Variants in ENTREP1 observed in about 807,000 individuals in gnomAD.
ENTREP1 encodes the protein endosomal transmembrane epsin interactor 1, also known as Friedreich ataxia region gene X123.
chr9:69,335,130 T>A, the ENTREP1 span, among the ~76,000 whole-genome samples: 2 of 152,190 alleles, frequency 1.3e-5, no homozygotes, highest in Non-Finnish European at 2.9e-5. Context: ...GAGCTCCTTC[T>A]CACAGTAGTT....
the ENTREP1 span, among the ~76,000 whole-genome samples, chr9:69,349,163 G>A: frequency 9.8e-5 from 11 of 112,336 alleles, no homozygotes; most frequent in South Asian, 1.7e-3. Context: ...CAGCCTGGGC[G>A]ACAAAAGCGA....
chr9:69,324,890 C>T, the ENTREP1 span: 101 of 985,120 alleles, frequency 1.0e-4, no homozygotes, highest in African/African-American at 9.8e-4. Context: ...TCTCGGTGGC[C>T]GGCGCTGACG....
the ENTREP1 span, chr9:69,324,846 C>T: frequency 3.0e-6 from 3 of 985,164 alleles, no homozygotes; most frequent in Non-Finnish European, 1.2e-6. Flanking sequence ...TCTTCTCTAG[C>T]CCCAGCTCGG....
chr9:69,368,056 G>A, the ENTREP1 span, among the ~76,000 whole-genome samples: 1 of 47,214 alleles, frequency 2.1e-5, no homozygotes, highest in Non-Finnish European at 4.4e-5. Flanking sequence ...TGTATCCTGA[G>A]ACTACTGAAT....
chr9:69,387,911 T>C, the ENTREP1 span: 16 of 1,444,624 alleles, frequency 1.1e-5, no homozygotes, highest in African/African-American at 2.3e-4. Flanking sequence ...CATCTGGCTT[T>C]ACCTTGGGGG....
At chr9:69,373,449 T>G in the ENTREP1 span, among the ~76,000 whole-genome samples, 1 of 152,172 alleles carries the variant, frequency 6.6e-6, no homozygotes, top group African/African-American at 2.4e-5. Flanking sequence ...TACATAAATA[T>G]GTATGGAGTG....
At chr9:69,371,505 C>G in the ENTREP1 span, 3 of 1,611,580 alleles carry the variant, frequency 1.9e-6, no homozygotes, top group Non-Finnish European at 8.5e-7. Flanking sequence ...TCAGGTAAAC[C>G]TCTTTGTGCT....
At chr9:69,368,221 C>CAGAGCAA in the ENTREP1 span, among the ~76,000 whole-genome samples, 2 of 152,068 alleles carry the variant, frequency 1.3e-5, no homozygotes, top group African/African-American at 4.8e-5. Context: ...GATAGGACTT[C>CAGAGCAA]TAGTACTGTG....
the ENTREP1 span, among the ~76,000 whole-genome samples, chr9:69,346,965 A>G: frequency 3.9e-5 from 6 of 152,216 alleles, no homozygotes; most frequent in Non-Finnish European, 8.8e-5. Context: ...GCAATTGGAG[A>G]ATATGATAGA....
the ENTREP1 span, chr9:69,387,846 A>G: frequency 1.6e-6 from 2 of 1,252,032 alleles, no homozygotes; most frequent in Non-Finnish European, 2.1e-6. Flanking sequence ...TCTATTTGTC[A>G]TACCCCATGA....
the ENTREP1 span, among the ~76,000 whole-genome samples, chr9:69,340,653 A>ATGTGTGTGTGTGCATG: frequency 6.1e-5 from 6 of 98,836 alleles, no homozygotes; most frequent in African/African-American, 2.3e-4. Flanking sequence ...GTGTGTGTGC[A>ATGTGTGTGTGTGCATG]TGTGTGTGTG....
At chr9:69,331,061 G>T in the ENTREP1 span, among the ~76,000 whole-genome samples, 1 of 151,794 alleles carries the variant, frequency 6.6e-6, no homozygotes, top group African/African-American at 2.4e-5. Context: ...TTAATGAGCT[G>T]TGCTAGACAG....
the ENTREP1 span, among the ~76,000 whole-genome samples, chr9:69,374,973 T>A: frequency 1.3e-5 from 2 of 152,214 alleles, no homozygotes; most frequent in African/African-American, 4.8e-5. Flanking sequence ...TTTTGCACAG[T>A]GCCTGAGGTT....
At chr9:69,341,824 T>C in the ENTREP1 span, among the ~76,000 whole-genome samples, 17 of 152,134 alleles carry the variant, frequency 1.1e-4, no homozygotes, top group Admixed American at 3.9e-4. Flanking sequence ...AATGAACCCT[T>C]GTTTGATGGT....
the ENTREP1 span, among the ~76,000 whole-genome samples, chr9:69,339,658 A>G: frequency 6.6e-6 from 1 of 152,118 alleles, no homozygotes; most frequent in Non-Finnish European, 1.5e-5. Flanking sequence ...AGAGGACCCC[A>G]TGGGTCTGTG....
At chr9:69,354,254 AT>A in the ENTREP1 span, among the ~76,000 whole-genome samples, 1,102 of 105,574 alleles carry the variant, frequency 0.01, 4 homozygotes, top group African/African-American at 0.034. Flanking sequence ...CTATTGCAAC[AT>A]TTTTTTTTTT....
the ENTREP1 span, among the ~76,000 whole-genome samples, chr9:69,389,715 G>T: frequency 6.6e-6 from 1 of 152,224 alleles, no homozygotes; most frequent in African/African-American, 2.4e-5. Context: ...TGAGCTAAGA[G>T]CTGGAGCATT....
the ENTREP1 span, among the ~76,000 whole-genome samples, chr9:69,388,918 G>T: frequency 6.6e-6 from 1 of 152,196 alleles, no homozygotes; most frequent in Non-Finnish European, 1.5e-5. Context: ...AAGCCAACAG[G>T]TCCTAAGGGA....
the ENTREP1 span, among the ~76,000 whole-genome samples, chr9:69,360,898 C>CA: frequency 0.016 from 2,358 of 149,830 alleles, 46 homozygotes; most frequent in African/African-American, 0.05. Context: ...ATGTAAATTG[C>CA]AAAAAAAAAA....
Sources: gnomAD v4.1 joint callset for allele counts (sites outside exome capture counted in the v4.1 genomes callset) on GRCh38, gnomAD v4.1.1 for gene constraint, MANE v1.5 for transcripts, NCBI Gene and HGNC (gene_info 2026-07-23, HGNC 2026-07-21) for gene names.